The following ECPAS variants were observed in gnomAD, a reference collection of about 807,000 sequenced individuals.
ECPAS encodes the protein proteasome adapter and scaffold protein ECM29.
ECPAS carries 70 observed loss-of-function variants against 255.1 expected under a neutral mutation model. The observed-to-expected ratio is 0.27, with a 90% CI of 0.23 to 0.33. The LOEUF is 0.33. ECPAS is among the 10% of genes least tolerant of loss of function. The probability of loss-of-function intolerance (pLI) is 1.00; values close to 1 mark genes in which losing one functional copy is unlikely to be tolerated. For missense variants in ECPAS, 1,817 were observed against 2,206.4 expected, an observed-to-expected ratio of 0.82 and a Z score of 3.54; for synonymous variants, 784 against 775.0, an observed-to-expected ratio of 1.01 and a Z score of -0.19.
chr9:111,368,034 C>CAAAA (rs545860799), intron 46 of ECPAS, among the ~76,000 whole-genome samples: 1 of 126,570 alleles, frequency 7.9e-6, no homozygotes, highest in Non-Finnish European at 1.7e-5. Context: ...GACCCTGTCT[C>CAAAA]AAAAAAAAAA....
In ECPAS at chr9:111,484,151, C is replaced by T. The variant is rs1295198627; in HGVS notation, c.-118G>A. 15 of 1,467,976 alleles carry T rather than the reference C, an allele frequency of 1.0e-5. No individual in the cohort carries two copies. Among genetic ancestry groups the T allele is most frequent in the African/African-American group, 4.4e-5 (3 of 67,704 alleles). 90.9% of individuals were successfully genotyped at this position (1,467,976 alleles called of 1,614,324 possible). A position where few individuals can be genotyped will look rare whatever the true frequency, so the allele number is the denominator to read the frequency against. ...GCCGGTCTCCATGCCGCGGACGCTG[C>T]GCTCGGCGCCGCGAGGTGAGGGCTG... is the stretch of plus-strand genomic sequence containing the variant. On this transcript the variant is annotated 5_prime_UTR_variant, in exon 1 of 50. Transcript: ENST00000684092.
At chr9:111,435,994 A>G (rs1345259261) in intron 7 of ECPAS, among the ~76,000 whole-genome samples, 1 of 150,742 alleles carries the variant, frequency 6.6e-6, no homozygotes, top group African/African-American at 2.4e-5. Flanking sequence ...GGCCTCTGTT[A>G]ATTCTTTACC....
At chr9:111,407,428 A>AAAAAAAAAAAG (rs751687233) in intron 24 of ECPAS, among the ~76,000 whole-genome samples, 28 of 98,726 alleles carry the variant, frequency 2.8e-4, no homozygotes, top group Non-Finnish European at 4.9e-4. Flanking sequence ...AAAAAAAAAA[A>AAAAAAAAAAAG]AAAAAAAAAA....
intron 24 of ECPAS, among the ~76,000 whole-genome samples, chr9:111,398,509 T>C (rs545040223): frequency 2.8e-4 from 43 of 152,294 alleles, no homozygotes; most frequent in Middle Eastern, 3.4e-3. Context: ...TGGGGATTCA[T>C]TATATTATTA....
At chr9:111,379,317 T>A (rs2131550036) in intron 35 of ECPAS, among the ~76,000 whole-genome samples, 1 of 152,360 alleles carries the variant, frequency 6.6e-6, no homozygotes, top group South Asian at 2.1e-4. Context: ...TACCAGTGCA[T>A]ATAGAAGTTT....
intron 2 of ECPAS, among the ~76,000 whole-genome samples, chr9:111,465,981 C>T (rs1046583232): frequency 1.3e-5 from 2 of 151,732 alleles, no homozygotes; most frequent in African/African-American, 4.8e-5. Context: ...CTGCAGTGAG[C>T]TAGATCATGC....
chr9:111,375,043 G>A, intron 38 of ECPAS, 70 bp downstream of exon 38: 2 of 1,104,786 alleles, frequency 1.8e-6, no homozygotes, highest in Non-Finnish European at 2.8e-6. Context: ...TTTCAAACAT[G>A]ATGGCTGTTA....
chr9:111,481,738 T>C (rs1168750892), intron 1 of ECPAS, among the ~76,000 whole-genome samples: 3 of 152,152 alleles, frequency 2.0e-5, no homozygotes, highest in East Asian at 1.9e-4. Flanking sequence ...AAATGTGATA[T>C]ATACATACAA....
chr9:111,396,943 T>A, intron 25 of ECPAS, 87 bp downstream of exon 25: 1 of 1,466,068 alleles, frequency 6.8e-7, no homozygotes, highest in Admixed American at 1.7e-5. Context: ...TAATATGGAA[T>A]GTGTAATGTT....
chr9:111,483,580 G>T (rs1017397149), intron 1 of ECPAS: 6 of 626,258 alleles, frequency 9.6e-6, no homozygotes, highest in Non-Finnish European at 9.9e-6. Flanking sequence ...GGGCTGGGGG[G>T]GCAGGGCGCG....
chr9:111,467,366 T>A (rs988490399), intron 2 of ECPAS, among the ~76,000 whole-genome samples: 1 of 152,150 alleles, frequency 6.6e-6, no homozygotes, highest in Admixed American at 6.6e-5. Context: ...GAGAAAGGAT[T>A]CTATTTAAGG....
At chr9:111,389,861 C>G in intron 30 of ECPAS, 123 bp downstream of exon 30, 1 of 1,141,130 alleles carries the variant, frequency 8.8e-7, no homozygotes, top group Admixed American at 2.3e-5. Context: ...TTGTGGGGTT[C>G]AGCTTTCTCA....
chr9:111,381,419 TCA>T (rs2131560125), intron 35 of ECPAS, among the ~76,000 whole-genome samples: 1 of 152,252 alleles, frequency 6.6e-6, no homozygotes, highest in East Asian at 1.9e-4. Flanking sequence ...ACATCAAAGA[TCA>T]CTGATCACAG....
chr9:111,476,574 A>AT (rs58723893), intron 1 of ECPAS, among the ~76,000 whole-genome samples: 5,133 of 105,818 alleles, frequency 0.049, 130 homozygotes, highest in African/African-American at 0.095. Context: ...TAACATCAGA[A>AT]TTTTTTTTTT....
intron 5 of ECPAS, among the ~76,000 whole-genome samples, chr9:111,441,361 C>T (rs139598011): frequency 8.8e-4 from 133 of 151,780 alleles, no homozygotes; most frequent in African/African-American, 2.6e-3. Context: ...AAAAGTTTGC[C>T]GGCCATGGTA....
chr9:111,403,521 A>G (rs1022186280), intron 24 of ECPAS, among the ~76,000 whole-genome samples: 2 of 150,076 alleles, frequency 1.3e-5, no homozygotes, highest in African/African-American at 2.5e-5. Context: ...GACCTAGGTC[A>G]TTACATAATG....
At chr9:111,448,441 T>C (rs949834765) in intron 3 of ECPAS, among the ~76,000 whole-genome samples, 1 of 152,090 alleles carries the variant, frequency 6.6e-6, no homozygotes, top group Admixed American at 6.6e-5. Flanking sequence ...CATAAAATAC[T>C]ATAATTATTA....
Position 111,484,282 on chromosome 9 carries a change from T to C in ECPAS, c.-249A>G. The C allele has an allele frequency of 1.3e-6, 2 of 1,533,296 alleles. No individual in the cohort carries two copies. Among genetic ancestry groups the C allele is most frequent in the Non-Finnish European group, 1.7e-6 (2 of 1,143,888 alleles). 95.0% of individuals were successfully genotyped at this position (1,533,296 alleles called of 1,614,324 possible). A position where few individuals can be genotyped will look rare whatever the true frequency, so the allele number is the denominator to read the frequency against. On this transcript the variant is annotated 5_prime_UTR_variant, in exon 1 of 50. Coordinates refer to ENST00000684092, the MANE Select transcript of ECPAS (RefSeq NM_001364929.1). ...CTGCCCTAGCGGCCGGGGGAAATCC[T>C]CGAGGCGGGGCCGGAGCGCCCTTTT...
At chr9:111,460,525 A>G (rs1422455415) in intron 2 of ECPAS, among the ~76,000 whole-genome samples, 1 of 152,212 alleles carries the variant, frequency 6.6e-6, no homozygotes, top group Non-Finnish European at 1.5e-5. Flanking sequence ...TAAGATTACA[A>G]AGGAAGAAAT....
Sources: gnomAD v4.1 joint callset for allele counts (sites outside exome capture counted in the v4.1 genomes callset) on GRCh38, gnomAD v4.1.1 for gene constraint, MANE v1.5 for transcripts, NCBI Gene and HGNC (gene_info 2026-07-23, HGNC 2026-07-21) for gene names.